The following COL24A1 variants were observed in gnomAD, a reference collection of about 807,000 sequenced individuals.
COL24A1 encodes the protein collagen alpha-1(XXIV) chain.
Under a neutral mutation model 253.9 loss-of-function variants are expected in COL24A1, and 224 were observed. That is an observed-to-expected ratio of 0.88 (90% CI 0.79 to 0.99). The LOEUF is 0.99. Ranked by LOEUF, COL24A1 falls within the 50% of genes least tolerant of loss-of-function variation. The pLI is 0.00. For synonymous variants in COL24A1, 685 were observed against 673.7 expected, an observed-to-expected ratio of 1.02 and a Z score of -0.26; for missense variants, 2,131 against 2,068.5, an observed-to-expected ratio of 1.03 and a Z score of -0.59.
intron 1 of COL24A1, chr1:86,155,791 C>T (rs1653502390): frequency 6.5e-6 from 1 of 152,826 alleles, no homozygotes; most frequent in East Asian, 1.9e-4. Flanking sequence ...GTAAAACAAC[C>T]CCCCGACGCC....
At chr1:85,801,742 TCA>T (rs1269627609) in intron 47 of COL24A1, among the ~76,000 whole-genome samples, 1 of 152,230 alleles carries the variant, frequency 6.6e-6, no homozygotes, top group African/African-American at 2.4e-5. Context: ...TGCTGATGAC[TCA>T]CAAATTCATA....
chr1:85,889,209 T>C (rs1210471461), intron 32 of COL24A1, among the ~76,000 whole-genome samples: 1 of 152,130 alleles, frequency 6.6e-6, no homozygotes, highest in Non-Finnish European at 1.5e-5. Flanking sequence ...CTTCTAATTA[T>C]AGAAATTGCC....
intron 24 of COL24A1, among the ~76,000 whole-genome samples, chr1:85,953,898 CAAGT>C (rs377596124): frequency 2.0e-3 from 302 of 152,216 alleles, no homozygotes; most frequent in African/African-American, 7.0e-3. Flanking sequence ...AATTCTAAAA[CAAGT>C]AAGGTGATCA....
chr1:85,766,368 C>CAAAAA (rs1319642983), intron 53 of COL24A1, among the ~76,000 whole-genome samples: 25 of 66,182 alleles, frequency 3.8e-4, no homozygotes, highest in East Asian at 1.7e-3. Flanking sequence ...GACTCTGTCT[C>CAAAAA]AAAAAAAAAA....
At chr1:85,910,025 AAGAGTAACAT>A in intron 25 of COL24A1, 22 bp from the exon 26 acceptor site, 1 of 1,598,868 alleles carries the variant, frequency 6.3e-7, no homozygotes, top group Non-Finnish European at 8.6e-7. Flanking sequence ...ACAAAGAAAA[AAGAGTAACAT>A]AGAGGCATAT....
At chr1:85,746,667 T>C (rs1331757613) in intron 55 of COL24A1, among the ~76,000 whole-genome samples, 1 of 152,152 alleles carries the variant, frequency 6.6e-6, no homozygotes, top group Non-Finnish European at 1.5e-5. Context: ...GTAGTAAAAT[T>C]TGAACTGATG....
intron 2 of COL24A1, among the ~76,000 whole-genome samples, chr1:86,140,577 C>T (rs886763840): frequency 3.3e-5 from 5 of 152,272 alleles, no homozygotes; most frequent in South Asian, 4.1e-4. Flanking sequence ...GGAAATTCTT[C>T]GAGATGAATA....
chr1:85,744,661 C>A lies in COL24A1; in HGVS notation c.4672+5G>T. 1 of 1,599,512 alleles carries A rather than the reference C, an allele frequency of 6.3e-7. No homozygotes were observed. The highest frequency in any genetic ancestry group is 8.5e-7 in the Non-Finnish European group (1 of 1,171,968). ...TATCAGAGTTTGAGGTAACCAAGAA[C>A]TTACCATCTGATACTTTTTGTTCAC... On this transcript the variant is annotated splice_donor_5th_base_variant and intron_variant, in intron 57 of 59. Transcript: ENST00000370571.
At chr1:85,900,761 C>G (rs1006044143) in intron 28 of COL24A1, among the ~76,000 whole-genome samples, 1 of 152,268 alleles carries the variant, frequency 6.6e-6, no homozygotes, top group East Asian at 1.9e-4. Flanking sequence ...TAAATCTACA[C>G]GTTTATAGCC....
In COL24A1 at chr1:85,730,412, CT is replaced by C. The variant is rs1305659841; in HGVS notation, c.*133del. On this transcript the variant is annotated 3_prime_UTR_variant, in exon 60 of 60. Coordinates refer to ENST00000370571, the MANE Select transcript of COL24A1 (RefSeq NM_152890.7). ...TCTCCTTCTTAGGAGGAAGTCTGTT[CT>C]TCCTGAGATTCTTTAAGATTTAGCC... 2.2e-6 allele frequency: 2 copies of C among 906,296 alleles called. No individual in the cohort carries two copies. Among genetic ancestry groups the C allele is most frequent in the African/African-American group, 3.3e-5 (2 of 59,796 alleles). 56.1% of individuals were successfully genotyped at this position (906,296 alleles called of 1,614,324 possible).
chr1:86,101,999 A>G (rs1226734623), intron 5 of COL24A1, among the ~76,000 whole-genome samples: 4 of 151,536 alleles, frequency 2.6e-5, no homozygotes, highest in Non-Finnish European at 4.4e-5. Flanking sequence ...TTTACTACGA[A>G]TCTATCTGGT....
intron 18 of COL24A1, among the ~76,000 whole-genome samples, chr1:86,021,488 G>A (rs972289562): frequency 1.2e-4 from 18 of 152,048 alleles, no homozygotes; most frequent in Non-Finnish European, 2.5e-4. Context: ...GGTGACCTTA[G>A]ATGTTTTCTA....
intron 6 of COL24A1, among the ~76,000 whole-genome samples, chr1:86,091,594 T>C (rs187979398): frequency 6.6e-6 from 1 of 152,278 alleles, no homozygotes; most frequent in South Asian, 2.1e-4. Flanking sequence ...TTTGTATTTA[T>C]CCTCACTAGA....
At chr1:85,761,601 A>G in intron 53 of COL24A1, 35 bp from the exon 54 acceptor site, 2 of 1,611,378 alleles carry the variant, frequency 1.2e-6, no homozygotes, top group Non-Finnish European at 1.7e-6. Context: ...AGACCTATAT[A>G]TTATACTTTT....
chr1:86,063,593 A>C, intron 8 of COL24A1, 122 bp downstream of exon 8: 1 of 550,816 alleles, frequency 1.8e-6, no homozygotes, highest in Non-Finnish European at 3.1e-6. Context: ...TCCTGCACTA[A>C]ACAGAGTAAA....
At chr1:85,876,507 G>A (rs535402548) in intron 33 of COL24A1, among the ~76,000 whole-genome samples, 2 of 152,230 alleles carry the variant, frequency 1.3e-5, no homozygotes, top group South Asian at 4.2e-4. Flanking sequence ...GATCTGAGGA[G>A]AGAGGTATAA....
At chr1:86,039,416 T>C (rs1187541844) in intron 12 of COL24A1, among the ~76,000 whole-genome samples, 1 of 152,162 alleles carries the variant, frequency 6.6e-6, no homozygotes, top group Non-Finnish European at 1.5e-5. Context: ...CCACAAATAA[T>C]ATGTTTAAAT....
intron 19 of COL24A1, among the ~76,000 whole-genome samples, chr1:86,015,164 G>A (rs148432006): frequency 1.7e-3 from 253 of 152,256 alleles, no homozygotes; most frequent in African/African-American, 5.8e-3. Context: ...AGTTGCCTAT[G>A]TACTATATTT....
intron 39 of COL24A1, among the ~76,000 whole-genome samples, chr1:85,844,570 T>C (rs577909461): frequency 5.1e-4 from 77 of 152,104 alleles, no homozygotes; most frequent in African/African-American, 1.9e-3. Context: ...GTAGACACTT[T>C]GAACTGACTA....
Sources: allele counts gnomAD v4.1 joint callset (sites outside exome capture counted in the v4.1 genomes callset), GRCh38; gene constraint gnomAD v4.1.1; transcripts MANE v1.5; gene names NCBI Gene and HGNC (gene_info 2026-07-23, HGNC 2026-07-21).